SUCLG2: variants seen among roughly 807,000 people sequenced by gnomAD.
SUCLG2 encodes succinate-CoA ligase GDP-forming subunit beta, also known as succinate--CoA ligase [GDP-forming] subunit beta, mitochondrial.
SUCLG2 carries 42 observed loss-of-function variants against 47.9 expected under a neutral mutation model. The ratio of observed to expected loss-of-function variants is 0.88; its 90% CI spans 0.69 to 1.14. The LOEUF (loss-of-function observed/expected upper bound fraction) is 1.14, where lower values mean the gene tolerates loss of function less well. Among genes scored for constraint, SUCLG2 ranks in the 50% most tolerant of loss-of-function variants. The pLI is 0.00. For synonymous variants in SUCLG2, 195 were observed against 197.3 expected (o/e 0.99, Z 0.10); for missense variants, 571 against 525.9 (o/e 1.09, Z -0.84).
chr3:67,644,188 C>T (rs1244376805), intron 1 of SUCLG2, among the ~76,000 whole-genome samples: 1 of 152,036 alleles, frequency 6.6e-6, no homozygotes, highest in Non-Finnish European at 1.5e-5. Context: ...CACTCATGTT[C>T]ATAGCAGCAT....
intron 6 of SUCLG2, among the ~76,000 whole-genome samples, chr3:67,510,307 C>A (rs772229930): frequency 6.6e-6 from 1 of 152,192 alleles, no homozygotes; most frequent in East Asian, 1.9e-4. Flanking sequence ...TAAACACCTA[C>A]AAACATTTTT....
chr3:67,541,670 A>T (rs1302177459), intron 2 of SUCLG2, among the ~76,000 whole-genome samples: 1 of 152,206 alleles, frequency 6.6e-6, no homozygotes, highest in Non-Finnish European at 1.5e-5. Flanking sequence ...AGAGAACACC[A>T]CAAAGATACT....
At chr3:67,515,288 G>T (rs1264820480) in intron 6 of SUCLG2, among the ~76,000 whole-genome samples, 4 of 152,158 alleles carry the variant, frequency 2.6e-5, no homozygotes. Flanking sequence ...TATAGGGTTT[G>T]GTAGTAGGTA....
intron 1 of SUCLG2, among the ~76,000 whole-genome samples, chr3:67,618,133 T>C (rs6806897): frequency 0.063 from 9,626 of 152,214 alleles, 432 homozygotes; most frequent in African/African-American, 0.13. Flanking sequence ...TAAAATGTGC[T>C]ACTTAGGGCC....
At chr3:67,638,795 C>T (rs958842288) in intron 1 of SUCLG2, among the ~76,000 whole-genome samples, 7 of 152,114 alleles carry the variant, frequency 4.6e-5, no homozygotes, top group African/African-American at 1.4e-4. Context: ...GTAAGTGACT[C>T]GCCAGTATCT....
intron 2 of SUCLG2, among the ~76,000 whole-genome samples, chr3:67,602,378 C>T (rs145557876): frequency 1.3e-5 from 2 of 152,268 alleles, no homozygotes; most frequent in African/African-American, 4.8e-5. Flanking sequence ...AAGGAAGCTA[C>T]ATGTACACTC....
At chr3:67,388,876 T>G (rs1223504429) in intron 10 of SUCLG2, among the ~76,000 whole-genome samples, 1 of 152,030 alleles carries the variant, frequency 6.6e-6, no homozygotes, top group South Asian at 2.1e-4. Flanking sequence ...TAGGTAAGAA[T>G]TGAATCATTG....
At chr3:67,372,151 T>G (rs1268654960), downstream of SUCLG2, among the ~76,000 whole-genome samples, 2 of 152,196 alleles carry the variant, frequency 1.3e-5, no homozygotes, top group Non-Finnish European at 1.5e-5. Context: ...AATAGTCACA[T>G]GTGATGGATG....
chr3:67,614,512 T>C (rs556461031), intron 1 of SUCLG2, among the ~76,000 whole-genome samples: 20 of 152,068 alleles, frequency 1.3e-4, no homozygotes, highest in African/African-American at 4.6e-4. Flanking sequence ...TCCATCTCTG[T>C]GTTGCCTCCC....
intron 10 of SUCLG2, chr3:67,376,506 CT>C (rs1223447074): frequency 1.0e-6 from 1 of 982,548 alleles, no homozygotes; most frequent in African/African-American, 1.8e-5. Context: ...TGAACAACTC[CT>C]GTAGGAGAAA....
At chr3:67,653,113 A>T (rs150164350) in intron 1 of SUCLG2, among the ~76,000 whole-genome samples, 1 of 152,164 alleles carries the variant, frequency 6.6e-6, no homozygotes, top group East Asian at 1.9e-4. Flanking sequence ...TTTCAGCTAA[A>T]CACTCTGCAT....
chr3:67,626,285 C>T (rs1700827843), intron 1 of SUCLG2, among the ~76,000 whole-genome samples: 1 of 152,012 alleles, frequency 6.6e-6, no homozygotes, highest in Admixed American at 6.6e-5. Flanking sequence ...AGCCACTGCA[C>T]CCGGCCACTA....
intron 2 of SUCLG2, among the ~76,000 whole-genome samples, chr3:67,605,028 G>A (rs1700379012): frequency 6.6e-6 from 1 of 152,242 alleles, no homozygotes; most frequent in Non-Finnish European, 1.5e-5. Context: ...CACAACAGTA[G>A]TGAACCTCCT....
chr3:67,617,212 T>C (rs930488674), intron 1 of SUCLG2, among the ~76,000 whole-genome samples: 2 of 152,204 alleles, frequency 1.3e-5, no homozygotes, highest in Non-Finnish European at 2.9e-5. Flanking sequence ...GAAGGCACTT[T>C]AACTGTGCCA....
chr3:67,382,522 T>C (rs1169083263), intron 10 of SUCLG2, among the ~76,000 whole-genome samples: 1 of 152,192 alleles, frequency 6.6e-6, no homozygotes, highest in Non-Finnish European at 1.5e-5. Context: ...GTTCTAGTTT[T>C]TGGGCAAAAT....
intron 2 of SUCLG2, among the ~76,000 whole-genome samples, chr3:67,599,819 A>G (rs911838003): frequency 3.3e-5 from 5 of 152,176 alleles, no homozygotes; most frequent in African/African-American, 1.2e-4. Context: ...AAGAAAAAAA[A>G]TTACACAGCT....
chr3:67,373,401 C>T (rs1701979803), downstream of SUCLG2, among the ~76,000 whole-genome samples: 1 of 152,048 alleles, frequency 6.6e-6, no homozygotes, highest in African/African-American at 2.4e-5. Context: ...GGATTAATAA[C>T]AAGCAAATAG....
chr3:67,376,301 G>T, intron 10 of SUCLG2: 1 of 985,402 alleles, frequency 1.0e-6, no homozygotes, highest in Non-Finnish European at 1.2e-6. Flanking sequence ...GGCGCATCCA[G>T]CATGTCCATT....
chr3:67,414,409 GACTA>G (rs1035849886), intron 9 of SUCLG2, among the ~76,000 whole-genome samples: 3 of 152,150 alleles, frequency 2.0e-5, no homozygotes, highest in Non-Finnish European at 2.9e-5. Flanking sequence ...AGATTATATT[GACTA>G]ACTGACTTGC....
Sources: gnomAD v4.1 joint callset for allele counts (sites outside exome capture counted in the v4.1 genomes callset) on GRCh38, gnomAD v4.1.1 for gene constraint, MANE v1.5 for transcripts, NCBI Gene and HGNC (gene_info 2026-07-23, HGNC 2026-07-21) for gene names.